The following NBEAL1 variants were observed in gnomAD, a reference collection of about 807,000 sequenced individuals.
NBEAL1 encodes neurobeachin-like protein 1.
Under a neutral mutation model 351.3 loss-of-function variants are expected in NBEAL1, and 273 were observed. The ratio of observed to expected loss-of-function variants is 0.78; its 90% CI spans 0.70 to 0.86. The LOEUF is 0.86. Among genes scored for constraint, NBEAL1 ranks in the 40% least tolerant of loss-of-function variants. The pLI is 0.00. For synonymous variants in NBEAL1, 1,050 were observed against 1,086.4 expected, an observed-to-expected ratio of 0.97 and a Z score of 0.66; for missense variants, 2,961 against 3,201.3, an observed-to-expected ratio of 0.92 and a Z score of 1.81.
At chr2:203,016,565 C>T (rs1210441551) in intron 2 of NBEAL1, 130 bp downstream of exon 2, 3 of 514,436 alleles carry the variant, frequency 5.8e-6, no homozygotes, top group Non-Finnish European at 6.2e-6. Flanking sequence ...AACTTAAAAG[C>T]GTTTAAAGGA....
At chr2:203,056,547 A>G (rs4673241) in intron 5 of NBEAL1, 39 bp downstream of exon 5, 1,050,442 of 1,122,432 alleles carry the variant, frequency 0.94, 493,038 homozygotes, top group Non-Finnish European at 0.95. Context: ...TTTACTGAGA[A>G]CAACTAGGTT....
At chr2:203,090,756 G>T (rs576002301) in intron 10 of NBEAL1, among the ~76,000 whole-genome samples, 1 of 152,210 alleles carries the variant, frequency 6.6e-6, no homozygotes, top group Admixed American at 6.5e-5. Flanking sequence ...AGGTGTCGTG[G>T]CGCATGCCTG....
At chr2:203,176,593 A>T (rs2064509457) in intron 42 of NBEAL1, among the ~76,000 whole-genome samples, 4 of 151,894 alleles carry the variant, frequency 2.6e-5, no homozygotes, top group Admixed American at 2.6e-4. Flanking sequence ...TTAGCCAGGC[A>T]TGGTAGTACA....
At chr2:203,174,688 C>T (rs1200144090) in intron 41 of NBEAL1, among the ~76,000 whole-genome samples, 10 of 151,436 alleles carry the variant, frequency 6.6e-5, no homozygotes, top group Non-Finnish European at 1.3e-4. Context: ...GTCAGGAGAT[C>T]GAGACCATCC....
chr2:203,114,765 T>C (rs1193679218), intron 17 of NBEAL1, among the ~76,000 whole-genome samples: 1 of 152,160 alleles, frequency 6.6e-6, no homozygotes, highest in Non-Finnish European at 1.5e-5. Flanking sequence ...GTTTGTTTGT[T>C]TTTTTGAGAC....
chr2:203,198,881 A>G (rs900281513), intron 48 of NBEAL1, among the ~76,000 whole-genome samples: 7 of 151,550 alleles, frequency 4.6e-5, no homozygotes, highest in African/African-American at 1.7e-4. Flanking sequence ...AAATTGGACA[A>G]GTTTTCTTAC....
chr2:203,136,653 T>C lies in NBEAL1; in HGVS notation c.4444T>C (p.Cys1482Arg), dbSNP rs763329078. 1.2e-6 allele frequency: 2 copies of C among 1,613,370 alleles called. No homozygotes were observed. The highest frequency in any genetic ancestry group is 1.7e-5 in the Admixed American group (1 of 60,008). The stretch of plus-strand genomic sequence containing the variant: ...GACACATATTTTGAATTATGTAATG[T>C]GTAAGGGACTAGAAAAGTCTGATGA... Reference protein sequence around the residue: ...LLTHILNYVMCKGLEKSDDDT... With the variant: ...LLTHILNYVMRKGLEKSDDDT... Residue 1482 changes from cysteine (C) to arginine (R), a missense_variant, in exon 29 of 56, where the codon TGT (cysteine) becomes CGT (arginine). Coordinates refer to ENST00000683969, the MANE Select transcript of NBEAL1 (RefSeq NM_001378026.1).
Position 203,200,270 on chromosome 2 carries a change from T to C in NBEAL1, c.7238+823T>C, listed in dbSNP as rs1052664814. Among the ~76,000 whole-genome samples the C allele has an allele frequency of 2.6e-5, 4 of 152,114 alleles. No homozygotes were observed. In the East Asian group the frequency reaches 7.7e-4, roughly 29 times the overall value. On this transcript the variant is annotated intron_variant, in intron 49 of 55. Coordinates refer to ENST00000683969, the MANE Select transcript of NBEAL1 (RefSeq NM_001378026.1). ...GCTCACACCTGTAATCCCAGCACTT[T>C]GGGAGGCAGAGGCAGGCGGATCACG...
intron 19 of NBEAL1, 52 bp from the exon 20 acceptor site, chr2:203,125,300 G>T: frequency 7.9e-7 from 1 of 1,265,182 alleles, no homozygotes; most frequent in Non-Finnish European, 1.1e-6. Context: ...GATATTAAAT[G>T]ACAAAATTGT....
intron 12 of NBEAL1, among the ~76,000 whole-genome samples, chr2:203,106,581 A>G (rs2062444553): frequency 6.6e-6 from 1 of 152,324 alleles, no homozygotes; most frequent in African/African-American, 2.4e-5. Flanking sequence ...AAGATGTTCC[A>G]GTCTTCCTTG....
intron 3 of NBEAL1, among the ~76,000 whole-genome samples, chr2:203,044,857 A>G (rs1354369568): frequency 1.3e-5 from 2 of 152,180 alleles, no homozygotes; most frequent in Non-Finnish European, 2.9e-5. Flanking sequence ...TTGAACTTCA[A>G]CCTAGGCTGC....
chr2:203,099,810 A>T, intron 12 of NBEAL1, 98 bp downstream of exon 12: 1 of 761,902 alleles, frequency 1.3e-6, no homozygotes, highest in Middle Eastern at 3.6e-4. Flanking sequence ...ATTGGATATC[A>T]TGGGGATTTG....
rs1481070380 is a variant in NBEAL1, at chr2:203,222,638, A to T, written c.*5284A>T. Among the ~76,000 whole-genome samples, 2 of 152,324 alleles carry T rather than the reference A, an allele frequency of 1.3e-5. No individual in the cohort carries two copies. The highest frequency in any genetic ancestry group is 4.1e-4 in the South Asian group (2 of 4,822). On this transcript the variant is annotated 3_prime_UTR_variant, in exon 56 of 56. Coordinates refer to ENST00000683969, the MANE Select transcript of NBEAL1 (RefSeq NM_001378026.1). Reference sequence around the variant, plus strand: ...CTAATATTTGCCTCCAGAAAAGTACATCTGTTTGCTAATATTAGTTCCTGG... The same window carrying T: ...CTAATATTTGCCTCCAGAAAAGTACTTCTGTTTGCTAATATTAGTTCCTGG...
chr2:203,170,993 G>A (rs531471564), intron 39 of NBEAL1, among the ~76,000 whole-genome samples: 30 of 152,268 alleles, frequency 2.0e-4, no homozygotes, highest in Admixed American at 5.2e-4. Context: ...TAGGCCACAT[G>A]CAGTGGCTCA....
At chr2:203,020,670 CAAA>C (rs201438851) in intron 2 of NBEAL1, among the ~76,000 whole-genome samples, 13 of 58,976 alleles carry the variant, frequency 2.2e-4, no homozygotes, top group Admixed American at 3.8e-4. Flanking sequence ...GACTCTGTCT[CAAA>C]AAAAAAAAAA....
intron 10 of NBEAL1, among the ~76,000 whole-genome samples, chr2:203,092,551 T>G (rs2062087904): frequency 6.6e-6 from 1 of 151,702 alleles, no homozygotes; most frequent in African/African-American, 2.4e-5. Context: ...GGCAACAGAG[T>G]GAGACTCTGT....
intron 31 of NBEAL1, among the ~76,000 whole-genome samples, chr2:203,144,194 G>A (rs2063452510): frequency 7.2e-6 from 1 of 137,946 alleles, no homozygotes; most frequent in South Asian, 2.3e-4. Context: ...CCGGGCAACA[G>A]TGTGAGACTC....
intron 2 of NBEAL1, among the ~76,000 whole-genome samples, chr2:203,020,070 A>T (rs1421175906): frequency 6.6e-6 from 1 of 152,188 alleles, no homozygotes; most frequent in Non-Finnish European, 1.5e-5. Flanking sequence ...TTTATGGGGT[A>T]CAATGTAATG....
At chr2:203,033,514 GAATAAT>G (rs1289180415) in intron 2 of NBEAL1, among the ~76,000 whole-genome samples, 1 of 152,134 alleles carries the variant, frequency 6.6e-6, no homozygotes, top group Non-Finnish European at 1.5e-5. Context: ...GTGGGATTGA[GAATAAT>G]AAATAGCTCT....
Sources: allele counts gnomAD v4.1 joint callset (sites outside exome capture counted in the v4.1 genomes callset), GRCh38; gene constraint gnomAD v4.1.1; transcripts MANE v1.5; gene names NCBI Gene and HGNC (gene_info 2026-07-23, HGNC 2026-07-21).